The following PDPR variants were observed in gnomAD, a reference collection of about 807,000 sequenced individuals.
PDPR encodes the protein pyruvate dehydrogenase phosphatase regulatory subunit, also known as pyruvate dehydrogenase phosphatase regulatory subunit, mitochondrial.
Under a neutral mutation model 102.2 loss-of-function variants are expected in PDPR, and 50 were observed. The observed-to-expected ratio is 0.49, with a 90% CI of 0.39 to 0.62. The LOEUF (loss-of-function observed/expected upper bound fraction) is 0.62. Among genes scored for constraint, PDPR ranks in the 20% least tolerant of loss-of-function variants. The probability of loss-of-function intolerance (pLI) is 0.00; values close to 1 mark genes in which losing one functional copy is unlikely to be tolerated. For missense variants in PDPR, 625 were observed against 1,098.2 expected (o/e 0.57, Z 6.09); for synonymous variants, 259 against 406.0 (o/e 0.64, Z 4.35).
chr16:70,130,627 T>C, intron 7 of PDPR, 83 bp downstream of exon 7: 1 of 1,547,722 alleles, frequency 6.5e-7, no homozygotes, highest in Non-Finnish European at 8.9e-7. Context: ...ATTAGTATTG[T>C]GATTGGTTAT....
chr16:70,135,111 CA>C (rs1432541899), intron 9 of PDPR, among the ~76,000 whole-genome samples: 15 of 152,358 alleles, frequency 9.8e-5, no homozygotes, highest in African/African-American at 3.4e-4. Flanking sequence ...CCCATGTACC[CA>C]TTATCCAGCT....
At chr16:70,152,738 C>T (rs558275252) in intron 17 of PDPR, among the ~76,000 whole-genome samples, 4 of 152,404 alleles carry the variant, frequency 2.6e-5, no homozygotes, top group East Asian at 1.9e-4. Flanking sequence ...AACTTAACAG[C>T]GTATGTTCAG....
intron 7 of PDPR, 79 bp downstream of exon 7, chr16:70,130,623 A>G (rs1333932689): frequency 6.4e-7 from 1 of 1,562,336 alleles, no homozygotes; most frequent in African/African-American, 1.4e-5. Context: ...TAAGATTAGT[A>G]TTGTGATTGG....
intron 9 of PDPR, among the ~76,000 whole-genome samples, chr16:70,135,425 C>T (rs192576600): frequency 1.2e-4 from 18 of 152,342 alleles, no homozygotes; most frequent in Admixed American, 3.3e-4. Context: ...TTAGTAGAGA[C>T]GAGGCTTCGC....
At chr16:70,163,071 C>T (rs953333979), downstream of PDPR, among the ~76,000 whole-genome samples, 14 of 152,380 alleles carry the variant, frequency 9.2e-5, no homozygotes, top group South Asian at 4.1e-4. Context: ...GCCTTAGCCT[C>T]CAGAGTAGCT....
intron 7 of PDPR, among the ~76,000 whole-genome samples, chr16:70,130,953 G>A (rs1293905172): frequency 8.5e-5 from 13 of 152,380 alleles, no homozygotes; most frequent in Admixed American, 5.9e-4. Context: ...CTATGATCCC[G>A]AAGTGAACTA....
chr16:70,124,289 G>A (rs1348060109), intron 3 of PDPR, among the ~76,000 whole-genome samples: 1 of 152,254 alleles, frequency 6.6e-6, no homozygotes, highest in Non-Finnish European at 1.5e-5. Context: ...CTTGAACCTG[G>A]GAGGCAGAGA....
chr16:70,117,560 G>T (rs1962774339), intron 2 of PDPR, among the ~76,000 whole-genome samples: 3 of 152,068 alleles, frequency 2.0e-5, no homozygotes, highest in Admixed American at 2.0e-4. Context: ...GACCTGAGGA[G>T]ATTACCTGTA....
intron 18 of PDPR, chr16:70,156,194 T>A: frequency 2.1e-6 from 1 of 484,444 alleles, no homozygotes; most frequent in Non-Finnish European, 3.6e-6. Context: ...GTTTTCTTCC[T>A]AAACGTTTTT....
At chr16:70,155,192 CAA>C (rs200366472) in intron 18 of PDPR, among the ~76,000 whole-genome samples, 41 of 146,006 alleles carry the variant, frequency 2.8e-4, no homozygotes, top group Non-Finnish European at 4.4e-4. Context: ...GCTCCATCTC[CAA>C]AAAAAAAAAA....
intron 11 of PDPR, among the ~76,000 whole-genome samples, chr16:70,140,780 A>G (rs1597352080): frequency 1.3e-5 from 2 of 152,316 alleles, no homozygotes; most frequent in East Asian, 1.9e-4. Flanking sequence ...TCACCACTGC[A>G]CTCTAGCCTG....
intron 11 of PDPR, among the ~76,000 whole-genome samples, chr16:70,140,869 G>T (rs1301313324): frequency 6.6e-6 from 1 of 152,164 alleles, no homozygotes; most frequent in African/African-American, 2.4e-5. Flanking sequence ...TGATAGAACC[G>T]AAAGTACTAG....
At chr16:70,147,967 T>G (rs2152112981) in intron 16 of PDPR, among the ~76,000 whole-genome samples, 1 of 152,316 alleles carries the variant, frequency 6.6e-6, no homozygotes. Context: ...GTGGCCGCTG[T>G]TAGGGAACTG....
At chr16:70,139,656 A>C (rs1189155864) in intron 11 of PDPR, among the ~76,000 whole-genome samples, 1 of 152,228 alleles carries the variant, frequency 6.6e-6, no homozygotes, top group African/African-American at 2.4e-5. Context: ...TTGTTATTCT[A>C]CCTTGATCTC....
rs541611979 is a variant in PDPR, at chr16:70,126,478, C to G, written c.228-782C>G. Among the ~76,000 whole-genome samples, 528 of 152,240 alleles carry G rather than the reference C, an allele frequency of 3.5e-3. 2 individuals carry two copies. Among genetic ancestry groups the G allele is most frequent in the African/African-American group, 0.012 (497 of 41,478 alleles). On this transcript the variant is annotated intron_variant, in intron 3 of 18. Transcript: ENST00000288050. ...TCCCGGGTTCATGCCATTCTCCTTC[C>G]TCAGCCTCCCGAGTAGCTGGGACTA... is the stretch of plus-strand genomic sequence containing the variant.
intron 11 of PDPR, among the ~76,000 whole-genome samples, chr16:70,141,198 C>T (rs190426859): frequency 5.3e-5 from 8 of 152,208 alleles, no homozygotes; most frequent in East Asian, 1.9e-4. Context: ...GGATTACAGG[C>T]GCCTGCCACC....
chr16:70,159,025 C>T lies in PDPR; in HGVS notation c.*2146C>T, dbSNP rs913597937. ...AGCAGTATCACCACTTACCAGGATC[C>T]AAATCGAAATAATAAAAGCTGTCTC... On this transcript the variant is annotated 3_prime_UTR_variant, in exon 19 of 19. Transcript: ENST00000288050. The T allele has an allele frequency of 7.9e-5, 12 of 152,362 alleles. No homozygotes were observed. The highest frequency in any genetic ancestry group is 2.4e-4 in the African/African-American group (10 of 41,482). 9.4% of individuals were successfully genotyped at this position (152,362 alleles called of 1,614,324 possible).
At chr16:70,125,531 G>T (rs1377016660) in intron 3 of PDPR, among the ~76,000 whole-genome samples, 1 of 147,480 alleles carries the variant, frequency 6.8e-6, no homozygotes, top group Non-Finnish European at 1.5e-5. Context: ...TCCAGCCTGG[G>T]TGACAAGGGA....
At chr16:70,156,400 C>T in intron 18 of PDPR, 75 bp from the exon 19 acceptor site, 4 of 1,543,998 alleles carry the variant, frequency 2.6e-6, no homozygotes, top group Non-Finnish European at 3.5e-6. Flanking sequence ...ACCAGGGGAC[C>T]CTTCCCACGG....
Sources: allele counts gnomAD v4.1 joint callset (sites outside exome capture counted in the v4.1 genomes callset), GRCh38; gene constraint gnomAD v4.1.1; transcripts MANE v1.5; gene names NCBI Gene and HGNC (gene_info 2026-07-23, HGNC 2026-07-21).